Variants in RSPO2 observed in about 807,000 individuals in gnomAD.
RSPO2 encodes R-spondin 2, also known as R-spondin-2.
In RSPO2, 14 loss-of-function variants were observed where a neutral mutation model predicts 30.9. That is an observed-to-expected ratio of 0.45 (90% CI 0.30 to 0.71). The LOEUF is 0.71. Ranked by LOEUF, RSPO2 falls within the 30% of genes least tolerant of loss-of-function variation. The probability of loss-of-function intolerance (pLI) is 0.08; values close to 1 mark genes in which losing one functional copy is unlikely to be tolerated. For missense variants in RSPO2, 264 were observed against 301.9 expected (o/e 0.87, Z 0.93); for synonymous variants, 107 against 96.4 (o/e 1.11, Z -0.64).
chr8:108,070,494 T>G (rs970800658), intron 2 of RSPO2, among the ~76,000 whole-genome samples: 1 of 151,554 alleles, frequency 6.6e-6, no homozygotes, highest in Non-Finnish European at 1.5e-5. Flanking sequence ...GGGTTTCACC[T>G]TGTTAGCCAG....
chr8:108,082,527 T>C lies in RSPO2; in HGVS notation c.94+18A>G. 6.2e-7 allele frequency: 1 copy of C among 1,605,250 alleles called. No homozygotes were observed. The highest frequency in any genetic ancestry group is 8.5e-7 in the Non-Finnish European group (1 of 1,171,978). On this transcript the variant is annotated intron_variant, in intron 2 of 5. Coordinates refer to ENST00000276659, the MANE Select transcript of RSPO2 (RefSeq NM_178565.5). ...ACCCCTGAAGCCCACCACGCACCTTTGGCAGAGAGGGACCCACCTCGCTTA... is the reference window on the plus strand; with the variant it reads ...ACCCCTGAAGCCCACCACGCACCTTCGGCAGAGAGGGACCCACCTCGCTTA...
intron 5 of RSPO2, among the ~76,000 whole-genome samples, chr8:107,942,608 C>T (rs1812935052): frequency 6.6e-6 from 1 of 152,060 alleles, no homozygotes; most frequent in Non-Finnish European, 1.5e-5. Context: ...TATAAAAATA[C>T]AAAATCATGT....
intron 2 of RSPO2, among the ~76,000 whole-genome samples, chr8:107,990,462 CA>C (rs906607986): frequency 1.1e-4 from 16 of 152,000 alleles, no homozygotes; most frequent in African/African-American, 3.9e-4. Flanking sequence ...ACAATTGCTG[CA>C]AAAATAATAA....
chr8:108,006,133 A>C (rs918160463), intron 2 of RSPO2, among the ~76,000 whole-genome samples: 8 of 152,194 alleles, frequency 5.3e-5, no homozygotes, highest in African/African-American at 1.7e-4. Flanking sequence ...TTTGCGGCCA[A>C]AGTTTCTAAA....
At chr8:107,972,613 C>A (rs1814039907) in intron 3 of RSPO2, among the ~76,000 whole-genome samples, 1 of 151,834 alleles carries the variant, frequency 6.6e-6, no homozygotes, top group Admixed American at 6.6e-5. Flanking sequence ...CAGTCCTTAA[C>A]CATAAACCAA....
intron 5 of RSPO2, among the ~76,000 whole-genome samples, chr8:107,956,905 T>G (rs1365308727): frequency 6.6e-6 from 1 of 152,230 alleles, no homozygotes; most frequent in East Asian, 1.9e-4. Context: ...ATACCTAGTT[T>G]AAGTGAACAA....
chr8:108,001,738 T>C (rs1349911182), intron 2 of RSPO2, among the ~76,000 whole-genome samples: 1 of 151,964 alleles, frequency 6.6e-6, no homozygotes. Context: ...GCCACCTGCT[T>C]GAATCAGTGA....
intron 5 of RSPO2, among the ~76,000 whole-genome samples, chr8:107,928,571 T>A (rs985153202): frequency 6.6e-6 from 1 of 152,170 alleles, no homozygotes; most frequent in Admixed American, 6.5e-5. Flanking sequence ...TATGGAATGT[T>A]TAAAAGTGGT....
At chr8:108,050,763 G>A (rs1022955091) in intron 2 of RSPO2, among the ~76,000 whole-genome samples, 1 of 152,152 alleles carries the variant, frequency 6.6e-6, no homozygotes, top group Non-Finnish European at 1.5e-5. Flanking sequence ...CACCCTCCAC[G>A]TTGGTAGTGG....
At chr8:107,951,341 C>T (rs998214335) in intron 5 of RSPO2, among the ~76,000 whole-genome samples, 1 of 152,044 alleles carries the variant, frequency 6.6e-6, no homozygotes, top group African/African-American at 2.4e-5. Flanking sequence ...TGTGAGCCAC[C>T]AGGCCCAACT....
chr8:107,978,295 T>C (rs1814285099), intron 3 of RSPO2, among the ~76,000 whole-genome samples: 1 of 151,904 alleles, frequency 6.6e-6, no homozygotes, highest in Non-Finnish European at 1.5e-5. Flanking sequence ...GGCATGGTGG[T>C]TGGCATCTGT....
chr8:107,905,058 T>C (rs1811594373), intron 5 of RSPO2, among the ~76,000 whole-genome samples: 1 of 152,088 alleles, frequency 6.6e-6, no homozygotes. Flanking sequence ...AACCAAGATA[T>C]AGGCAGACTC....
chr8:108,082,590 C>T lies in RSPO2; in HGVS notation c.49G>A (p.Asp17Asn). 3 of 1,614,168 alleles carry T rather than the reference C, an allele frequency of 1.9e-6. No individual in the cohort carries two copies. The highest frequency in any genetic ancestry group is 2.5e-6 in the Non-Finnish European group (3 of 1,180,016). The change falls in exon 2 of 6, where the codon GAT becomes AAT. Residue 17 changes from aspartate (D) to asparagine (N), a missense_variant. Physicochemically the swap from Asp to Asn is conservative, Grantham distance 23. Transcript: ENST00000276659. Reference sequence around the variant, plus strand: ...CGGTTGCCTTGGCAGTGGCTGTAATCCATGCAGTTCAGAATGATGAGGGCA... The same window carrying T: ...CGGTTGCCTTGGCAGTGGCTGTAATTCATGCAGTTCAGAATGATGAGGGCA... ...SFALIILNCMDYSHCQGNRWR... is the reference protein window; with the variant it reads ...SFALIILNCMNYSHCQGNRWR...
At chr8:108,023,033 C>G (rs1213074149) in intron 2 of RSPO2, among the ~76,000 whole-genome samples, 2 of 151,454 alleles carry the variant, frequency 1.3e-5, no homozygotes, top group Non-Finnish European at 2.9e-5. Flanking sequence ...GCCCCACACA[C>G]CTGAGGATAT....
At chr8:107,906,356 T>TTAGTA (rs377585720) in intron 5 of RSPO2, among the ~76,000 whole-genome samples, 3 of 32,394 alleles carry the variant, frequency 9.3e-5, no homozygotes, top group African/African-American at 1.7e-4. Flanking sequence ...TTTTATATTT[T>TTAGTA]ATATTTTATA....
At chr8:107,993,417 A>G (rs1012079677) in intron 2 of RSPO2, among the ~76,000 whole-genome samples, 1 of 152,222 alleles carries the variant, frequency 6.6e-6, no homozygotes, top group Non-Finnish European at 1.5e-5. Flanking sequence ...TACACATGAC[A>G]TGAATGAAAT....
At chr8:108,013,803 T>A (rs1296476779) in intron 2 of RSPO2, among the ~76,000 whole-genome samples, 1 of 152,118 alleles carries the variant, frequency 6.6e-6, no homozygotes, top group Non-Finnish European at 1.5e-5. Flanking sequence ...AATGACTTCA[T>A]AACTAAAACA....
chr8:107,975,662 T>C (rs760893676), intron 3 of RSPO2, among the ~76,000 whole-genome samples: 2 of 152,248 alleles, frequency 1.3e-5, no homozygotes, highest in Non-Finnish European at 2.9e-5. Context: ...TCAATTAATA[T>C]GTACTGAGAA....
intron 2 of RSPO2, among the ~76,000 whole-genome samples, chr8:108,041,917 G>A (rs576807183): frequency 1.5e-3 from 226 of 152,096 alleles, no homozygotes; most frequent in African/African-American, 5.3e-3. Flanking sequence ...AGATGACCAT[G>A]GGTCCATTTA....
Sources: allele counts gnomAD v4.1 joint callset (sites outside exome capture counted in the v4.1 genomes callset), GRCh38; gene constraint gnomAD v4.1.1; transcripts MANE v1.5; gene names NCBI Gene and HGNC (gene_info 2026-07-23, HGNC 2026-07-21).